The following SNTG1 variants were observed in gnomAD, a reference collection of about 807,000 sequenced individuals.
SNTG1 encodes syntrophin gamma 1.
In SNTG1, 39 loss-of-function variants were observed where a neutral mutation model predicts 74.7. The observed-to-expected ratio is 0.52, with a 90% CI of 0.40 to 0.68. SNTG1 has a LOEUF of 0.68. Among genes scored for constraint, SNTG1 ranks in the 30% least tolerant of loss-of-function variants. The pLI, the probability that SNTG1 is intolerant of heterozygous loss-of-function variation, is 0.00. For missense variants in SNTG1, 685 were observed against 609.5 expected, an observed-to-expected ratio of 1.12 and a Z score of -1.30; for synonymous variants, 254 against 217.1, an observed-to-expected ratio of 1.17 and a Z score of -1.49.
chr8:49,948,301 T>C (rs1373387046), intron 1 of SNTG1, among the ~76,000 whole-genome samples: 2 of 152,166 alleles, frequency 1.3e-5, no homozygotes, highest in Admixed American at 1.3e-4. Flanking sequence ...CCAAAAACTG[T>C]TTTATGTATA....
chr8:49,925,157 A>C (rs558300326), intron 1 of SNTG1, among the ~76,000 whole-genome samples: 3 of 152,158 alleles, frequency 2.0e-5, no homozygotes, highest in African/African-American at 4.8e-5. Flanking sequence ...TGTCTCTAAA[A>C]AAGTAAATAA....
chr8:50,786,135 A>G (rs1248318600), intron 18 of SNTG1, among the ~76,000 whole-genome samples: 1 of 151,944 alleles, frequency 6.6e-6, no homozygotes, highest in Admixed American at 6.6e-5. Context: ...TGAATTCACT[A>G]AGAAAACTAT....
At chr8:50,447,606 C>A (rs2093418694) in intron 5 of SNTG1, among the ~76,000 whole-genome samples, 1 of 152,150 alleles carries the variant, frequency 6.6e-6, no homozygotes, top group Admixed American at 6.6e-5. Context: ...TTCATTCATT[C>A]AACTCAACAA....
At chr8:50,309,510 T>C (rs1246537936) in intron 2 of SNTG1, among the ~76,000 whole-genome samples, 1 of 152,230 alleles carries the variant, frequency 6.6e-6, no homozygotes, top group Admixed American at 6.5e-5. Context: ...TATTTTACTG[T>C]GCTCATACTT....
intron 16 of SNTG1, among the ~76,000 whole-genome samples, chr8:50,706,715 C>T (rs1399141675): frequency 6.6e-6 from 1 of 151,950 alleles, no homozygotes; most frequent in East Asian, 1.9e-4. Flanking sequence ...TATTTATTTA[C>T]CACATAAGAA....
At chr8:50,006,877 G>T (rs896117938) in intron 1 of SNTG1, among the ~76,000 whole-genome samples, 42 of 152,190 alleles carry the variant, frequency 2.8e-4, no homozygotes, top group Non-Finnish European at 8.8e-5. Context: ...AACCTCTCAG[G>T]CTGCTCATGG....
At chr8:50,255,051 T>A (rs979752714) in intron 2 of SNTG1, among the ~76,000 whole-genome samples, 5 of 151,262 alleles carry the variant, frequency 3.3e-5, no homozygotes, top group Admixed American at 2.6e-4. Context: ...CTGAAAGTAT[T>A]TATCACTGTG....
At chr8:50,674,465 G>A (rs1053072827) in intron 15 of SNTG1, among the ~76,000 whole-genome samples, 3 of 151,800 alleles carry the variant, frequency 2.0e-5, no homozygotes, top group African/African-American at 7.3e-5. Flanking sequence ...TTGTGTAGAG[G>A]TATTTATAGT....
intron 2 of SNTG1, among the ~76,000 whole-genome samples, chr8:50,245,184 CTAA>C (rs1219399355): frequency 6.6e-6 from 1 of 152,124 alleles, no homozygotes; most frequent in Non-Finnish European, 1.5e-5. Flanking sequence ...AGTTAACAGA[CTAA>C]ATGAAGGTGA....
At chr8:50,429,871 A>T (rs1371078780) in intron 4 of SNTG1, among the ~76,000 whole-genome samples, 5 of 152,134 alleles carry the variant, frequency 3.3e-5, no homozygotes, top group Admixed American at 1.3e-4. Context: ...CAAATGAACA[A>T]AGTGCCATCA....
intron 13 of SNTG1, among the ~76,000 whole-genome samples, chr8:50,595,347 A>G (rs948914455): frequency 6.6e-6 from 1 of 152,202 alleles, no homozygotes; most frequent in East Asian, 1.9e-4. Flanking sequence ...CTCTTGGAAA[A>G]TCAACCAGCT....
intron 15 of SNTG1, among the ~76,000 whole-genome samples, chr8:50,685,978 G>A (rs765968406): frequency 2.1e-4 from 32 of 152,126 alleles, no homozygotes; most frequent in Non-Finnish European, 4.1e-4. Context: ...TTGGGTGCAC[G>A]GGTACCAAAC....
At chr8:50,440,260 T>A (rs1027748414) in intron 5 of SNTG1, among the ~76,000 whole-genome samples, 1 of 151,878 alleles carries the variant, frequency 6.6e-6, no homozygotes, top group African/African-American at 2.4e-5. Context: ...AATACAAACA[T>A]CAAGACTTTT....
At chr8:50,633,782 G>C (rs73676332) in intron 13 of SNTG1, among the ~76,000 whole-genome samples, 7,552 of 152,208 alleles carry the variant, frequency 0.05, 638 homozygotes, top group African/African-American at 0.17. Context: ...CCTATGGGGT[G>C]AGGAGTGCCA....
At chr8:50,205,605 C>A (rs2084191051) in intron 2 of SNTG1, among the ~76,000 whole-genome samples, 1 of 152,160 alleles carries the variant, frequency 6.6e-6, no homozygotes, top group African/African-American at 2.4e-5. Flanking sequence ...GCTTTTGTTG[C>A]AATTGCTTTT....
chr8:50,779,931 A>T (rs1385269442), intron 18 of SNTG1, among the ~76,000 whole-genome samples: 1 of 151,902 alleles, frequency 6.6e-6, no homozygotes. Context: ...GAATTTTGTC[A>T]AAGGCCTTTT....
At chr8:50,517,469 T>C (rs1458115668) in intron 9 of SNTG1, among the ~76,000 whole-genome samples, 1 of 152,050 alleles carries the variant, frequency 6.6e-6, no homozygotes, top group Non-Finnish European at 1.5e-5. Context: ...ATGGGCTAAA[T>C]GCCCCAATTA....
intron 2 of SNTG1, among the ~76,000 whole-genome samples, chr8:50,361,703 T>G (rs2091963060): frequency 6.6e-6 from 1 of 152,220 alleles, no homozygotes; most frequent in South Asian, 2.1e-4. Flanking sequence ...AATTTTTCAG[T>G]TCCTTTATAA....
At chr8:50,706,742 G>A (rs1402470650) in intron 16 of SNTG1, among the ~76,000 whole-genome samples, 1 of 151,940 alleles carries the variant, frequency 6.6e-6, no homozygotes, top group African/African-American at 2.4e-5. Context: ...GAACACCTTT[G>A]TAGTATTACT....
Sources: allele counts gnomAD v4.1 joint callset (sites outside exome capture counted in the v4.1 genomes callset), GRCh38; gene constraint gnomAD v4.1.1; transcripts MANE v1.5; gene names NCBI Gene and HGNC (gene_info 2026-07-23, HGNC 2026-07-21).